SPINK5: variants seen among roughly 807,000 people sequenced by gnomAD.
SPINK5 encodes the protein serine protease inhibitor Kazal-type 5.
A neutral mutation model predicts 151.8 loss-of-function variants in SPINK5; 125 were observed. That is an observed-to-expected ratio of 0.82 (90% CI 0.71 to 0.96). SPINK5 has a LOEUF of 0.96. Ranked by LOEUF, SPINK5 falls within the 40% of genes least tolerant of loss-of-function variation. The pLI is 0.00. For missense variants in SPINK5, 1,194 were observed against 1,291.9 expected, an observed-to-expected ratio of 0.92 and a Z score of 1.16; for synonymous variants, 374 against 395.3, an observed-to-expected ratio of 0.95 and a Z score of 0.64.
At chr5:148,094,612 A>C in intron 9 of SPINK5, 131 bp downstream of exon 9, 1 of 1,423,672 alleles carries the variant, frequency 7.0e-7, no homozygotes, top group South Asian at 1.2e-5. Flanking sequence ...TATGCCCTCC[A>C]CAAATCATAA....
chr5:148,099,693 G>A (rs7703515), intron 12 of SPINK5, among the ~76,000 whole-genome samples: 24 of 151,894 alleles, frequency 1.6e-4, no homozygotes, highest in Admixed American at 1.6e-3. Context: ...ACCAACGCAT[G>A]ATTTTTATCC....
rs200250655 is a variant in SPINK5, at chr5:148,070,346, A to T, written c.105A>T (p.Ala35=). The change falls in exon 3 of 33, where the codon GCA becomes GCT. Residue 35 remains alanine (A), a synonymous_variant. Coordinates refer to ENST00000256084, the MANE Select transcript of SPINK5 (RefSeq NM_006846.4). Reference sequence around the variant, plus strand: ...AGGAAATGTGCCATGAATTTCAGGCATTTATGAAAAATGGAAAACTGTTCT... The same window carrying T: ...AGGAAATGTGCCATGAATTTCAGGCTTTTATGAAAAATGGAAAACTGTTCT... ...EDQEMCHEFQ[A]FMKNGKLFCP... is the part of the protein sequence containing the mutation. 10 of 1,612,504 alleles carry T rather than the reference A, an allele frequency of 6.2e-6. No homozygotes were observed. The highest frequency in any genetic ancestry group is 8.5e-6 in the Non-Finnish European group (10 of 1,179,146).
intron 12 of SPINK5, among the ~76,000 whole-genome samples, chr5:148,100,184 T>C (rs534598065): frequency 2.9e-4 from 44 of 152,294 alleles, no homozygotes; most frequent in Non-Finnish European, 5.1e-4. Flanking sequence ...TGTATGTTCG[T>C]ACCTATTTTA....
intron 2 of SPINK5, among the ~76,000 whole-genome samples, chr5:148,069,467 CAGAG>C (rs1169348549): frequency 5.4e-5 from 8 of 147,494 alleles, no homozygotes; most frequent in Non-Finnish European, 1.2e-4. Context: ...AAAAAATTAC[CAGAG>C]AGAGAGAGAA....
At position 148,065,913 on chromosome 5, in the gene SPINK5, G is replaced by A. The variant is rs1409614622; in HGVS notation, c.81+541G>A. Among the ~76,000 whole-genome samples the A allele has an allele frequency of 2.0e-5, 3 of 152,234 alleles. No individual in the cohort carries two copies. The East Asian group carries it at 5.8e-4, about 29-fold the overall frequency. On this transcript the variant is annotated intron_variant, in intron 2 of 32. Coordinates refer to ENST00000256084, the MANE Select transcript of SPINK5 (RefSeq NM_006846.4). ...TTCCTGCCCTGAAAATTACGTTTTAGTGTAGGAAAACAGACAAATTAATAA... is the reference window on the plus strand; with the variant it reads ...TTCCTGCCCTGAAAATTACGTTTTAATGTAGGAAAACAGACAAATTAATAA...
chr5:148,070,684 A>G lies in SPINK5; in HGVS notation c.209+234A>G, dbSNP rs10073775. Reference sequence around the variant, plus strand: ...ATTCTGAAAGCATTCCAGAGGGCCCAGTGTCAATACCTTCTGTAGCACTCT... The same window carrying G: ...ATTCTGAAAGCATTCCAGAGGGCCCGGTGTCAATACCTTCTGTAGCACTCT... On this transcript the variant is annotated intron_variant, in intron 3 of 32. Coordinates refer to ENST00000256084, the MANE Select transcript of SPINK5 (RefSeq NM_006846.4). Among the ~76,000 whole-genome samples the G allele has an allele frequency of 0.75, 113,550 of 152,034 alleles. 43,706 individuals carry two copies. The highest frequency in any genetic ancestry group is 0.92 in the African/African-American group (38,379 of 41,526).
chr5:148,064,749 T>C (rs1348458591), intron 1 of SPINK5, among the ~76,000 whole-genome samples: 2 of 152,146 alleles, frequency 1.3e-5, no homozygotes, highest in Non-Finnish European at 2.9e-5. Context: ...TCTGAAATCA[T>C]ATACAAATAA....
At chr5:148,082,403 A>G (rs1301933053) in intron 4 of SPINK5, among the ~76,000 whole-genome samples, 1 of 150,960 alleles carries the variant, frequency 6.6e-6, no homozygotes, top group African/African-American at 2.4e-5. Context: ...AACACTTCTT[A>G]ATTTCTCTAC....
intron 4 of SPINK5, among the ~76,000 whole-genome samples, chr5:148,077,190 T>TAA (rs11322859): frequency 7.0e-6 from 1 of 142,332 alleles, no homozygotes; most frequent in Admixed American, 7.0e-5. Flanking sequence ...AATGTTGAAA[T>TAA]AAAAAAAAAA....
chr5:148,094,569 A>ACAATTATATTT, intron 9 of SPINK5, 88 bp downstream of exon 9: 1 of 1,604,038 alleles, frequency 6.2e-7, no homozygotes, highest in Non-Finnish European at 8.5e-7. Flanking sequence ...CTTTGAAAGG[A>ACAATTATATTT]AGCTTTGTTG....
intron 4 of SPINK5, among the ~76,000 whole-genome samples, chr5:148,080,133 A>G (rs1752982161): frequency 6.6e-6 from 1 of 151,296 alleles, no homozygotes; most frequent in African/African-American, 2.4e-5. Context: ...GAAAATTAAA[A>G]TATTTCATTC....
chr5:148,098,676 T>TC (rs35900296), intron 11 of SPINK5, among the ~76,000 whole-genome samples: 70,330 of 151,214 alleles, frequency 0.47, 17,078 homozygotes, highest in Admixed American at 0.59. Context: ...GTTTTTTTTT[T>TC]CACATCTTGT....
At chr5:148,070,083 C>T (rs1752697463) in intron 2 of SPINK5, among the ~76,000 whole-genome samples, 1 of 151,836 alleles carries the variant, frequency 6.6e-6, no homozygotes, top group African/African-American at 2.4e-5. Context: ...TGACAATCAC[C>T]AGCAACATCA....
chr5:148,094,512 T>C (rs564728973), intron 9 of SPINK5, 31 bp downstream of exon 9: 6 of 1,611,634 alleles, frequency 3.7e-6, no homozygotes, highest in Non-Finnish European at 5.1e-6. Flanking sequence ...TTCAGAGTGA[T>C]TCAAAGGGTG....
chr5:148,080,169 G>A (rs1752983044), intron 4 of SPINK5, among the ~76,000 whole-genome samples: 2 of 151,072 alleles, frequency 1.3e-5, no homozygotes, highest in South Asian at 4.2e-4. Context: ...ATGTGGAAAT[G>A]AATTTAACAA....
Position 148,108,775 on chromosome 5 carries a change from A to G in SPINK5, c.1630A>G (p.Lys544Glu). 1 of 1,611,400 alleles carries G rather than the reference A, an allele frequency of 6.2e-7. No individual in the cohort carries two copies. The highest frequency in any genetic ancestry group is 8.5e-7 in the Non-Finnish European group (1 of 1,178,114). The change falls in exon 18 of 33, where the codon AAA becomes GAA. Residue 544 changes from lysine to glutamate, a missense_variant. Physicochemically the swap from Lys to Glu is moderately conservative, Grantham distance 56 (BLOSUM62 1). Transcript: ENST00000256084. ...CAGCAAACTTGAAGAAGAAGAGAAG[A>G]AAAATGATAAAGAAGAAAAAGGGAA... Reference protein sequence around the residue: ...SVFKLEEEEKKNDKEEKGKVE... With the variant: ...SVFKLEEEEKENDKEEKGKVE...
chr5:148,087,688 T>G (rs1381627737), intron 5 of SPINK5, among the ~76,000 whole-genome samples: 2 of 151,722 alleles, frequency 1.3e-5, no homozygotes, highest in African/African-American at 2.4e-5. Context: ...GGGAATCCCA[T>G]TATAAATCTT....
rs543246985 is a variant in SPINK5, at chr5:148,099,047, A to G, written c.1011-187A>G. Reference sequence around the variant, plus strand: ...GTCTTTCTTTCAACATTAAACAGACATTATGAAGAAATCATAGCACCATAC... The same window carrying G: ...GTCTTTCTTTCAACATTAAACAGACGTTATGAAGAAATCATAGCACCATAC... On this transcript the variant is annotated intron_variant, in intron 11 of 32. Coordinates refer to ENST00000256084, the MANE Select transcript of SPINK5 (RefSeq NM_006846.4). Among the ~76,000 whole-genome samples the G allele has an allele frequency of 1.4e-3, 212 of 152,054 alleles. 1 individual carries two copies. Among genetic ancestry groups the G allele is most frequent in the Middle Eastern group, 3.4e-3 (1 of 294 alleles).
chr5:148,064,111 G>C lies in SPINK5; in HGVS notation c.55+12G>C. On this transcript the variant is annotated intron_variant, in intron 1 of 32. Coordinates refer to ENST00000256084, the MANE Select transcript of SPINK5 (RefSeq NM_006846.4). ...TTGCCTCATACAAGGTGAGCAATTT[G>C]TGTGTAATCTAAGCCTCTTGCCACA... is the stretch of plus-strand genomic sequence containing the variant. The C allele has an allele frequency of 6.2e-7, 1 of 1,614,078 alleles. No homozygotes were observed. Among genetic ancestry groups the C allele is most frequent in the Non-Finnish European group, 8.5e-7 (1 of 1,179,998 alleles).
Sources: allele counts gnomAD v4.1 joint callset (sites outside exome capture counted in the v4.1 genomes callset), GRCh38; gene constraint gnomAD v4.1.1; transcripts MANE v1.5; gene names NCBI Gene and HGNC (gene_info 2026-07-23, HGNC 2026-07-21).